The following LRTM1 variants were observed in gnomAD, a reference collection of about 807,000 sequenced individuals.
LRTM1 encodes leucine rich repeat transmembrane protein 1.
Under a neutral mutation model 32.4 loss-of-function variants are expected in LRTM1, and 38 were observed. That is an observed-to-expected ratio of 1.17 (90% confidence interval 0.91 to 1.54). The LOEUF (loss-of-function observed/expected upper bound fraction) is 1.54. Ranked by LOEUF, LRTM1 falls within the 40% of genes most tolerant of loss-of-function variation. The probability of loss-of-function intolerance (pLI) is 0.00; values close to 1 mark genes in which losing one functional copy is unlikely to be tolerated. For missense variants in LRTM1, 466 were observed against 415.4 expected (o/e 1.12, Z -1.06); for synonymous variants, 186 against 169.9 (o/e 1.09, Z -0.74).
chr3:54,920,999 C>T (rs894529930), intron 2 of LRTM1, among the ~76,000 whole-genome samples: 2 of 152,194 alleles, frequency 1.3e-5, no homozygotes, highest in African/African-American at 2.4e-5. Context: ...TCTGTGGTCT[C>T]CTGTGCAGGT....
chr3:54,933,195 T>G (rs1701246600), intron 1 of LRTM1, among the ~76,000 whole-genome samples: 1 of 152,152 alleles, frequency 6.6e-6, no homozygotes, highest in South Asian at 2.1e-4. Context: ...GGAATATATT[T>G]TAAAATGACA....
In LRTM1 at chr3:54,924,877, T is replaced by A; in HGVS notation, c.346A>T (p.Arg116Ter). Residue 116 changes from arginine (R) to a stop codon, truncating the protein, a stop_gained, in exon 2 of 3, where the codon AGA (arginine) becomes TGA (stop). Transcript: ENST00000273286. LOFTEE classifies it high-confidence loss of function. ...TQNSLLSLESRLFHSLPQLRE... is the reference protein window; with the variant it reads ...TQNSLLSLES ...AGCTGAGGGAGGGAATGGAAAAGTCTGCTTTCCAGGGAAAGGAGTGAATTC... is the reference window on the plus strand; with the variant it reads ...AGCTGAGGGAGGGAATGGAAAAGTCAGCTTTCCAGGGAAAGGAGTGAATTC... 1 of 1,613,798 alleles carries A rather than the reference T, an allele frequency of 6.2e-7. No homozygotes were observed. Among genetic ancestry groups the A allele is most frequent in the Non-Finnish European group, 8.5e-7 (1 of 1,179,722 alleles).
At chr3:54,930,482 A>G (rs1411108954), upstream of LRTM1, among the ~76,000 whole-genome samples, 1 of 152,214 alleles carries the variant, frequency 6.6e-6, no homozygotes, top group Non-Finnish European at 1.5e-5. Flanking sequence ...CTGTGTCTAT[A>G]AGGCCCAGCT....
chr3:54,921,502 G>A (rs1700850170), intron 2 of LRTM1, among the ~76,000 whole-genome samples: 1 of 152,160 alleles, frequency 6.6e-6, no homozygotes, highest in South Asian at 2.1e-4. Flanking sequence ...ATATTATTAT[G>A]TATTCACCAA....
In LRTM1 at chr3:54,926,505, TACACACACACACACACACAC is replaced by T. The variant is rs36205023; in HGVS notation, c.8-1310_8-1291del. Among the ~76,000 whole-genome samples the T allele has an allele frequency of 3.2e-3, 458 of 143,408 alleles. 1 individual carries two copies. Among genetic ancestry groups the T allele is most frequent in the African/African-American group, 0.011 (409 of 38,890 alleles). 94.1% of individuals were successfully genotyped at this position (143,408 alleles called of 152,430 possible). ...CTACTGTGCTCCACTGCCTGTCAAATACACACACACACACACACACACACACACACACACACACACACACA... is the reference window on the plus strand; with the variant it reads ...CTACTGTGCTCCACTGCCTGTCAAATACACACACACACACACACACACACA... On this transcript the variant is annotated intron_variant, in intron 1 of 2. Coordinates refer to ENST00000273286, the MANE Select transcript of LRTM1 (RefSeq NM_020678.4).
Position 54,918,351 on chromosome 3 carries a change from T to G in LRTM1, c.*108A>C. 7.8e-5 allele frequency: 34 copies of G among 434,972 alleles called. No homozygotes were observed. Among genetic ancestry groups the G allele is most frequent in the Middle Eastern group, 8.4e-4 (1 of 1,184 alleles). The allele number at this position is 434,972 out of a possible 1,614,324, so 26.9% of individuals were successfully genotyped here. On this transcript the variant is annotated 3_prime_UTR_variant, in exon 3 of 3. Transcript: ENST00000273286. Reference sequence around the variant, plus strand: ...TTTTTTCTTTTTTTTTTTTTTTTTTTTTTTGTCTTTTGGCAAAAGCAAAAT... The same window carrying G: ...TTTTTTCTTTTTTTTTTTTTTTTTTGTTTTGTCTTTTGGCAAAAGCAAAAT...
intron 1 of LRTM1, among the ~76,000 whole-genome samples, chr3:54,946,678 T>C (rs954007613): frequency 6.6e-6 from 1 of 152,088 alleles, no homozygotes; most frequent in Non-Finnish European, 1.5e-5. Context: ...GGAGCTAGCA[T>C]TTTGGCCAAC....
intron 1 of LRTM1, among the ~76,000 whole-genome samples, chr3:54,947,935 C>T (rs1036350449): frequency 7.2e-5 from 11 of 152,174 alleles, no homozygotes; most frequent in Non-Finnish European, 1.5e-4. Flanking sequence ...GCCTCTGTCT[C>T]TTTGCTGCCT....
At chr3:54,946,975 A>G (rs561471774) in intron 1 of LRTM1, among the ~76,000 whole-genome samples, 1 of 152,342 alleles carries the variant, frequency 6.6e-6, no homozygotes, top group South Asian at 2.1e-4. Context: ...ACCATAGTGC[A>G]TTTAAGATGA....
At chr3:54,939,348 C>G (rs1482990110) in intron 1 of LRTM1, among the ~76,000 whole-genome samples, 2 of 152,242 alleles carry the variant, frequency 1.3e-5, no homozygotes, top group African/African-American at 2.4e-5. Context: ...AGAGCTGGGA[C>G]TTGAACCCTC....
intron 1 of LRTM1, among the ~76,000 whole-genome samples, chr3:54,960,139 C>G (rs1323586685): frequency 6.6e-6 from 1 of 151,642 alleles, no homozygotes; most frequent in African/African-American, 2.4e-5. Flanking sequence ...ATCAGGCCTT[C>G]CTACACTGGT....
At chr3:54,930,316 G>A (rs1242085604), upstream of LRTM1, among the ~76,000 whole-genome samples, 3 of 152,118 alleles carry the variant, frequency 2.0e-5, no homozygotes, top group Non-Finnish European at 2.9e-5. Flanking sequence ...AGGGGGTTGG[G>A]TAAGATGATC....
intron 2 of LRTM1, among the ~76,000 whole-genome samples, chr3:54,920,843 A>G (rs541170369): frequency 2.0e-5 from 3 of 152,258 alleles, no homozygotes; most frequent in South Asian, 4.1e-4. Flanking sequence ...ATCACCCCAG[A>G]CTTAAGAACT....
At chr3:54,935,312 A>G (rs952512112) in intron 1 of LRTM1, among the ~76,000 whole-genome samples, 20 of 152,130 alleles carry the variant, frequency 1.3e-4, no homozygotes, top group African/African-American at 3.4e-4. Flanking sequence ...TATCTTCCCA[A>G]TGTCAGCCTT....
At chr3:54,958,755 C>T (rs1383557261) in intron 1 of LRTM1, among the ~76,000 whole-genome samples, 1 of 152,134 alleles carries the variant, frequency 6.6e-6, no homozygotes, top group African/African-American at 2.4e-5. Context: ...CAGGTCATTG[C>T]CTGGGGATGT....
chr3:54,920,279 G>T (rs1446038481), intron 2 of LRTM1, among the ~76,000 whole-genome samples: 1 of 152,282 alleles, frequency 6.6e-6, no homozygotes, highest in Admixed American at 6.5e-5. Context: ...GTCATAAGTG[G>T]CCCTGTAAGT....
chr3:54,945,903 G>A (rs186752019), intron 1 of LRTM1, among the ~76,000 whole-genome samples: 84 of 152,202 alleles, frequency 5.5e-4, no homozygotes, highest in Middle Eastern at 3.4e-3. Context: ...GGTGGATGGC[G>A]GGGGCCATCC....
chr3:54,928,307 A>G (rs1701086051), upstream of LRTM1, among the ~76,000 whole-genome samples: 1 of 152,086 alleles, frequency 6.6e-6, no homozygotes, highest in Non-Finnish European at 1.5e-5. Flanking sequence ...TGATTATTTA[A>G]TCTGCTTGAA....
In LRTM1 at chr3:54,924,622, T is replaced by A. The variant is rs1171323877; in HGVS notation, c.601A>T (p.Lys201Ter). ...LKLWLEKFVY[K>*]GGLTDGIICE... ...GTTCCAAATAGACATGACTGACCTTTATAGACAAATTTCTCCAGCCAGAGT... is the reference window on the plus strand; with the variant it reads ...GTTCCAAATAGACATGACTGACCTTAATAGACAAATTTCTCCAGCCAGAGT... Residue 201 changes from lysine to a stop codon, truncating the protein, a stop_gained, in exon 2 of 3, where the codon AAA becomes TAA. Coordinates refer to ENST00000273286, the MANE Select transcript of LRTM1 (RefSeq NM_020678.4). LOFTEE classifies it high-confidence loss of function. 1.2e-6 allele frequency: 2 copies of A among 1,613,004 alleles called. No individual in the cohort carries two copies. Among genetic ancestry groups the A allele is most frequent in the Non-Finnish European group, 1.7e-6 (2 of 1,179,214 alleles).
Sources: allele counts gnomAD v4.1 joint callset (sites outside exome capture counted in the v4.1 genomes callset), GRCh38; gene constraint gnomAD v4.1.1; transcripts MANE v1.5; gene names NCBI Gene and HGNC (gene_info 2026-07-23, HGNC 2026-07-21).